PLCB1: variants seen among roughly 807,000 people sequenced by gnomAD.
PLCB1 encodes the protein 1-phosphatidylinositol 4,5-bisphosphate phosphodiesterase beta-1.
PLCB1 carries 46 observed loss-of-function variants against 161.8 expected under a neutral mutation model. The ratio of observed to expected loss-of-function variants is 0.28; its 90% CI spans 0.22 to 0.36. The LOEUF (loss-of-function observed/expected upper bound fraction) is 0.36. Among genes scored for constraint, PLCB1 ranks in the 10% least tolerant of loss-of-function variants. The pLI is 1.00. For missense variants in PLCB1, 1,016 were observed against 1,472.5 expected, an observed-to-expected ratio of 0.69 and a Z score of 5.07; for synonymous variants, 517 against 503.7, an observed-to-expected ratio of 1.03 and a Z score of -0.35.
At chr20:8,142,484 C>CT (rs2051414438) in intron 1 of PLCB1, among the ~76,000 whole-genome samples, 1 of 152,194 alleles carries the variant, frequency 6.6e-6, no homozygotes, top group African/African-American at 2.4e-5. Flanking sequence ...CCAAATATGT[C>CT]TTAAGATTGA....
At chr20:8,820,328 C>G (rs959105754) in intron 31 of PLCB1, among the ~76,000 whole-genome samples, 1 of 151,514 alleles carries the variant, frequency 6.6e-6, no homozygotes, top group African/African-American at 2.4e-5. Context: ...TGGAAAAACT[C>G]AAACAGGTGC....
intron 3 of PLCB1, among the ~76,000 whole-genome samples, chr20:8,441,532 A>C (rs1980558701): frequency 6.6e-6 from 1 of 152,184 alleles, no homozygotes; most frequent in African/African-American, 2.4e-5. Context: ...AGAAATAATA[A>C]ATAATCTTTA....
intron 2 of PLCB1, among the ~76,000 whole-genome samples, chr20:8,312,796 T>C (rs1984464644): frequency 6.6e-6 from 1 of 152,060 alleles, no homozygotes; most frequent in Non-Finnish European, 1.5e-5. Flanking sequence ...CCAGAGACTT[T>C]GTAGTTCCTG....
At chr20:8,368,835 G>A (rs532520860) in intron 2 of PLCB1, among the ~76,000 whole-genome samples, 1 of 151,992 alleles carries the variant, frequency 6.6e-6, no homozygotes, top group Non-Finnish European at 1.5e-5. Context: ...GTTTCTACCC[G>A]CAATTTCCTC....
At chr20:8,168,810 G>C (rs2051703005) in intron 2 of PLCB1, among the ~76,000 whole-genome samples, 1 of 148,940 alleles carries the variant, frequency 6.7e-6, no homozygotes. Flanking sequence ...TTCAAAATCT[G>C]TAAAAACACT....
intron 3 of PLCB1, among the ~76,000 whole-genome samples, chr20:8,374,821 C>T (rs1412078558): frequency 1.3e-5 from 2 of 152,184 alleles, no homozygotes; most frequent in Non-Finnish European, 2.9e-5. Context: ...GAAGGAAGAA[C>T]ATTTGTGAAG....
chr20:8,359,943 T>C (rs571312389), intron 2 of PLCB1, among the ~76,000 whole-genome samples: 1 of 152,360 alleles, frequency 6.6e-6, no homozygotes, highest in African/African-American at 2.4e-5. Flanking sequence ...AAATGATAGC[T>C]ATTTGGATCC....
intron 3 of PLCB1, among the ~76,000 whole-genome samples, chr20:8,473,535 A>T (rs912687184): frequency 6.6e-6 from 1 of 152,190 alleles, no homozygotes; most frequent in Middle Eastern, 3.2e-3. Flanking sequence ...AGCATCACAC[A>T]TAGCAAGAAA....
chr20:8,323,691 C>G (rs1985015606), intron 2 of PLCB1, among the ~76,000 whole-genome samples: 1 of 152,050 alleles, frequency 6.6e-6, no homozygotes, highest in Admixed American at 6.6e-5. Flanking sequence ...ACTAAAGCAG[C>G]CTATATTCAA....
At chr20:8,764,241 C>A (rs1458302718) in intron 25 of PLCB1, among the ~76,000 whole-genome samples, 1 of 152,054 alleles carries the variant, frequency 6.6e-6, no homozygotes, top group Non-Finnish European at 1.5e-5. Context: ...TGACTTTGTG[C>A]AAATTATATT....
At chr20:8,368,690 T>G (rs770199235) in intron 2 of PLCB1, among the ~76,000 whole-genome samples, 74 of 152,154 alleles carry the variant, frequency 4.9e-4, no homozygotes, top group Non-Finnish European at 8.7e-4. Flanking sequence ...TGTTAGTGTT[T>G]TATAAATAAT....
chr20:8,859,230 A>G (rs1987172764), intron 31 of PLCB1, among the ~76,000 whole-genome samples: 1 of 152,248 alleles, frequency 6.6e-6, no homozygotes, highest in African/African-American at 2.4e-5. Flanking sequence ...ATAAAGAAGC[A>G]CCGAATCCAG....
intron 10 of PLCB1, among the ~76,000 whole-genome samples, chr20:8,691,363 A>G (rs1442252297): frequency 2.0e-5 from 3 of 152,198 alleles, no homozygotes; most frequent in Non-Finnish European, 4.4e-5. Context: ...CAGAACAAGT[A>G]AAAACTGTAT....
intron 3 of PLCB1, among the ~76,000 whole-genome samples, chr20:8,590,201 A>T (rs1987107180): frequency 6.6e-6 from 1 of 152,160 alleles, no homozygotes; most frequent in South Asian, 2.1e-4. Flanking sequence ...ATCCTTGAAG[A>T]ATTCCTGTTT....
intron 2 of PLCB1, among the ~76,000 whole-genome samples, chr20:8,162,192 T>A (rs1476473459): frequency 6.6e-6 from 1 of 152,174 alleles, no homozygotes; most frequent in East Asian, 1.9e-4. Flanking sequence ...TTACCAAACA[T>A]GTCCTCAGAA....
chr20:8,527,106 A>G (rs910093292), intron 3 of PLCB1, among the ~76,000 whole-genome samples: 1 of 152,146 alleles, frequency 6.6e-6, no homozygotes, highest in Non-Finnish European at 1.5e-5. Context: ...TTCTTCAGCC[A>G]TACTAGCCCT....
intron 31 of PLCB1, among the ~76,000 whole-genome samples, chr20:8,809,215 C>T (rs574903127): frequency 3.2e-4 from 48 of 152,154 alleles, no homozygotes; most frequent in Middle Eastern, 3.4e-3. Context: ...CCATGTTGCC[C>T]AGGCTGATCT....
At chr20:8,743,808 T>G (rs2123527197) in intron 23 of PLCB1, among the ~76,000 whole-genome samples, 1 of 152,288 alleles carries the variant, frequency 6.6e-6, no homozygotes, top group Non-Finnish European at 1.5e-5. Context: ...ATAATAGTGC[T>G]TTTTCTCTTT....
intron 12 of PLCB1, among the ~76,000 whole-genome samples, chr20:8,710,028 C>T (rs1479522680): frequency 2.0e-5 from 3 of 152,134 alleles, no homozygotes; most frequent in Non-Finnish European, 2.9e-5. Flanking sequence ...TATAATTGGC[C>T]TGTAACAATA....
Sources: allele counts gnomAD v4.1 joint callset (sites outside exome capture counted in the v4.1 genomes callset), GRCh38; gene constraint gnomAD v4.1.1; transcripts MANE v1.5; gene names NCBI Gene and HGNC (gene_info 2026-07-23, HGNC 2026-07-21).